CTF1: variants seen among roughly 807,000 people sequenced by gnomAD.
CTF1 encodes the protein cardiotrophin-1.
A neutral mutation model predicts 10.9 loss-of-function variants in CTF1; 9 were observed. That is an observed-to-expected ratio of 0.83 (90% CI 0.50 to 1.44). CTF1 has a LOEUF of 1.44. CTF1 is among the 40% of genes most tolerant of loss of function. CTF1 has a pLI of 0.00. For synonymous variants in CTF1, 133 were observed against 138.8 expected (o/e 0.96, Z 0.29); for missense variants, 259 against 275.3 (o/e 0.94, Z 0.42).
At chr16:30,898,247 C>T (rs977369026) in intron 1 of CTF1, among the ~76,000 whole-genome samples, 4 of 151,706 alleles carry the variant, frequency 2.6e-5, no homozygotes, top group African/African-American at 7.3e-5. Context: ...ATGCAACCTC[C>T]TCCTCCCAGG....
Position 30,902,570 on chromosome 16 carries a change from C to A in CTF1, c.*31C>A. 6.7e-7 allele frequency: 1 copy of A among 1,489,336 alleles called. No homozygotes were observed. The highest frequency in any genetic ancestry group is 8.9e-7 in the Non-Finnish European group (1 of 1,122,768). 92.3% of individuals were successfully genotyped at this position (1,489,336 alleles called of 1,614,324 possible). ...GCGGGGCAGCTCGCCCCGCCTCCTC[C>A]CGCTGGGTTCCGTCTCTCCTTCCGC... is the stretch of plus-strand genomic sequence containing the variant. On this transcript the variant is annotated 3_prime_UTR_variant, in exon 3 of 3. Coordinates refer to ENST00000279804, the MANE Select transcript of CTF1 (RefSeq NM_001330.5).
intron 2 of CTF1, among the ~76,000 whole-genome samples, chr16:30,900,590 C>T (rs764516194): frequency 5.9e-5 from 9 of 151,710 alleles, no homozygotes; most frequent in Non-Finnish European, 8.8e-5. Context: ...ACAGTGAGCC[C>T]TCATCTCTTA....
rs552333693 is a variant in CTF1, at chr16:30,902,864, A to G, written c.*325A>G. 2.7e-4 allele frequency: 51 copies of G among 192,248 alleles called. No individual in the cohort carries two copies. Among genetic ancestry groups the G allele is most frequent in the Admixed American group, 1.4e-3 (22 of 16,166 alleles). 11.9% of individuals were successfully genotyped at this position (192,248 alleles called of 1,614,324 possible). ...ATTTTTTATTTAATTTTTTGTAGAGACGAGGTTTCGCCATGTTGCCCAGGC... is the reference window on the plus strand; with the variant it reads ...ATTTTTTATTTAATTTTTTGTAGAGGCGAGGTTTCGCCATGTTGCCCAGGC... On this transcript the variant is annotated 3_prime_UTR_variant, in exon 3 of 3. Transcript: ENST00000279804.
Position 30,902,679 on chromosome 16 carries a change from G to T in CTF1, c.*140G>T, listed in dbSNP as rs899967208. 82 of 1,255,566 alleles carry T rather than the reference G, an allele frequency of 6.5e-5. No individual in the cohort carries two copies. Among genetic ancestry groups the T allele is most frequent in the Non-Finnish European group, 8.0e-5 (78 of 980,054 alleles). The allele number at this position is 1,255,566 out of a possible 1,614,324, so 77.8% of individuals were successfully genotyped here. ...TGCCTCGGCCTTCTTTGCTTTTTGT[G>T]GGGGAGAGGGGAGGGGACGGGCAGG... On this transcript the variant is annotated 3_prime_UTR_variant, in exon 3 of 3. Transcript: ENST00000279804.
In CTF1 at chr16:30,901,993, C is replaced by G. The variant is rs552272991; in HGVS notation, c.145-85C>G. The G allele has an allele frequency of 1.4e-4, 171 of 1,216,528 alleles. No individual in the cohort carries two copies. In the East Asian group the frequency reaches 5.5e-3, roughly 39 times the overall value. The allele number at this position is 1,216,528 out of a possible 1,614,324, so 75.4% of individuals were successfully genotyped here. A position where few individuals can be genotyped will look rare whatever the true frequency, so the allele number is the denominator to read the frequency against. On this transcript the variant is annotated intron_variant, in intron 2 of 2. Coordinates refer to ENST00000279804, the MANE Select transcript of CTF1 (RefSeq NM_001330.5). ...TCTGCAAGATGAGGAAACTGACACCCCCAGAGAGCGGGTTGGAGAGCCCAG... is the reference window on the plus strand; with the variant it reads ...TCTGCAAGATGAGGAAACTGACACCGCCAGAGAGCGGGTTGGAGAGCCCAG...
chr16:30,902,785 G>C lies in CTF1; in HGVS notation c.*246G>C. On this transcript the variant is annotated 3_prime_UTR_variant, in exon 3 of 3. Coordinates refer to ENST00000279804, the MANE Select transcript of CTF1 (RefSeq NM_001330.5). ...CCTCCTGGGCTCAAGCCATCCTTCC[G>C]CCTCAGCTTCCCCAGCAGCTGGGAC... 1 of 394,462 alleles carries C rather than the reference G, an allele frequency of 2.5e-6. No individual in the cohort carries two copies. Among genetic ancestry groups the C allele is most frequent in the Non-Finnish European group, 4.2e-6 (1 of 236,154 alleles). 24.4% of individuals were successfully genotyped at this position (394,462 alleles called of 1,614,324 possible).
Position 30,902,098 on chromosome 16 carries a change from C to T in CTF1, c.165C>T (p.Pro55=), listed in dbSNP as rs1480340440. 6 of 1,428,744 alleles carry T rather than the reference C, an allele frequency of 4.2e-6. No individual in the cohort carries two copies. Among genetic ancestry groups the T allele is most frequent in the Non-Finnish European group, 4.6e-6 (5 of 1,088,900 alleles). The allele number at this position is 1,428,744 out of a possible 1,614,324, so 88.5% of individuals were successfully genotyped here. ...LQEYVQLQGD[P]FGLPSFSPPR... The stretch of plus-strand genomic sequence containing the variant: ...CGCAGGTGCAGCTCCAGGGAGACCC[C>T]TTCGGGCTGCCCAGCTTCTCGCCGC... The change falls in exon 3 of 3, where the codon CCC becomes CCT. Residue 55 remains proline, a synonymous_variant. Coordinates refer to ENST00000279804, the MANE Select transcript of CTF1 (RefSeq NM_001330.5).
rs751910960 is a variant in CTF1, at chr16:30,896,701, T to C, written c.25+33T>C. 7.2e-6 allele frequency: 9 copies of C among 1,251,356 alleles called. No individual in the cohort carries two copies. In the African/African-American group the frequency reaches 1.2e-4, roughly 17 times the overall value. 77.5% of individuals were successfully genotyped at this position (1,251,356 alleles called of 1,614,324 possible). A position where few individuals can be genotyped will look rare whatever the true frequency, so the allele number is the denominator to read the frequency against. On this transcript the variant is annotated intron_variant, in intron 1 of 2. Coordinates refer to ENST00000279804, the MANE Select transcript of CTF1 (RefSeq NM_001330.5). Reference sequence around the variant, plus strand: ...GCTGAGGGACCGGACGCCGGGTCGCTGAGGGGCGCAGGAGTCAGAGGGATT... The same window carrying C: ...GCTGAGGGACCGGACGCCGGGTCGCCGAGGGGCGCAGGAGTCAGAGGGATT...
rs2055413929 is a variant in CTF1, at chr16:30,902,514, A to AGCT, written c.587_589dup (p.Leu196dup). 8 of 1,494,726 alleles carry AGCT rather than the reference A, an allele frequency of 5.4e-6. No individual in the cohort carries two copies. Among genetic ancestry groups the AGCT allele is most frequent in the Non-Finnish European group, 7.1e-6 (8 of 1,126,606 alleles). The allele number at this position is 1,494,726 out of a possible 1,614,324, so 92.6% of individuals were successfully genotyped here. On this transcript the variant is annotated inframe_insertion, in exon 3 of 3. Transcript: ENST00000279804. The stretch of plus-strand genomic sequence containing the variant: ...AGCCGCACCGAGGGCGACCTGGGCC[A>AGCT]GCTGCTGCCCGGGGGCTCGGCCTGA...
At chr16:30,896,697 T>C (rs1466615846) in intron 1 of CTF1, 29 bp downstream of exon 1, 3 of 1,251,202 alleles carry the variant, frequency 2.4e-6, no homozygotes, top group Non-Finnish European at 3.0e-6. Context: ...GGACGCCGGG[T>C]CGCTGAGGGG....
chr16:30,896,485 C>A, upstream of CTF1: 1 of 651,448 alleles, frequency 1.5e-6, no homozygotes, highest in Non-Finnish European at 2.2e-6. Context: ...AGGAGCTGAG[C>A]TCAGGGCCAA....
chr16:30,902,519 C>T lies in CTF1; in HGVS notation c.586C>T (p.Leu196=). ...CACCGAGGGCGACCTGGGCCAGCTG[C>T]TGCCCGGGGGCTCGGCCTGAGCGCC... ...SRTEGDLGQL[L]PGGSA is the part of the protein sequence containing the mutation. Residue 196 remains leucine, a synonymous_variant, in exon 3 of 3, where the codon CTG becomes TTG. Coordinates refer to ENST00000279804, the MANE Select transcript of CTF1 (RefSeq NM_001330.5). 6.7e-7 allele frequency: 1 copy of T among 1,496,222 alleles called. No individual in the cohort carries two copies. Among genetic ancestry groups the T allele is most frequent in the African/African-American group, 1.4e-5 (1 of 69,312 alleles). The allele number at this position is 1,496,222 out of a possible 1,614,324, so 92.7% of individuals were successfully genotyped here.
In CTF1 at chr16:30,902,118, C is replaced by T; in HGVS notation, c.185C>T (p.Ser62Leu). Residue 62 changes from serine (S) to leucine (L), a missense_variant, in exon 3 of 3, where the codon TCG becomes TTG. Coordinates refer to ENST00000279804, the MANE Select transcript of CTF1 (RefSeq NM_001330.5). ...GACCCCTTCGGGCTGCCCAGCTTCT[C>T]GCCGCCGCGGCTGCCGGTGGCCGGC... ...QGDPFGLPSFSPPRLPVAGLS... is the reference protein window; with the variant it reads ...QGDPFGLPSFLPPRLPVAGLS... The T allele has an allele frequency of 1.4e-6, 2 of 1,414,968 alleles. No homozygotes were observed. The highest frequency in any genetic ancestry group is 1.4e-5 in the South Asian group (1 of 70,378). 87.7% of individuals were successfully genotyped at this position (1,414,968 alleles called of 1,614,324 possible).
intron 2 of CTF1, among the ~76,000 whole-genome samples, chr16:30,900,894 A>AT (rs764298787): frequency 0.017 from 2,374 of 139,258 alleles, 49 homozygotes; most frequent in South Asian, 0.1. Flanking sequence ...CCAGCCCAAC[A>AT]TTTTTTTTTT....
At chr16:30,901,814 G>A (rs995747963) in intron 2 of CTF1, among the ~76,000 whole-genome samples, 23 of 150,170 alleles carry the variant, frequency 1.5e-4, no homozygotes, top group Non-Finnish European at 2.2e-4. Context: ...GAACCCCTGG[G>A]CTCAAGTGAT....
chr16:30,900,198 G>C (rs1031290770), intron 2 of CTF1, among the ~76,000 whole-genome samples: 3 of 152,214 alleles, frequency 2.0e-5, no homozygotes, highest in Non-Finnish European at 4.4e-5. Flanking sequence ...GGGAAGCCAA[G>C]AAGAGGTTCC....
chr16:30,899,075 G>A (rs1296600174), intron 1 of CTF1, among the ~76,000 whole-genome samples: 1 of 152,228 alleles, frequency 6.6e-6, no homozygotes, highest in African/African-American at 2.4e-5. Context: ...GCCTGGGCGT[G>A]TAGCAGGCTG....
rs1395039795 is a variant in CTF1 at position 30,899,407 on chromosome 16, C to G, written c.26-8C>G. The G allele has an allele frequency of 1.3e-6, 2 of 1,582,568 alleles. No homozygotes were observed. Among genetic ancestry groups the G allele is most frequent in the East Asian group, 2.2e-5 (1 of 44,694 alleles). On this transcript the variant is annotated splice_polypyrimidine_tract_variant and splice_region_variant and intron_variant, in intron 1 of 2. Coordinates refer to ENST00000279804, the MANE Select transcript of CTF1 (RefSeq NM_001330.5). The stretch of plus-strand genomic sequence containing the variant: ...GGCCATCCTCATTCCTCCCCCCTTT[C>G]CCACCAGAAGACCCCCAGACTGATT...
Position 30,898,976 on chromosome 16 carries a change from A to G in CTF1, c.26-439A>G, listed in dbSNP as rs570736503. Among the ~76,000 whole-genome samples, 5 of 152,322 alleles carry G rather than the reference A, an allele frequency of 3.3e-5. No individual in the cohort carries two copies. The East Asian group carries it at 5.8e-4, about 18-fold the overall frequency. ...ACCTGGCCCTTTTCTATGTTTAGAT[A>G]CACAAATACCACTGTGTTCCAGTTG... On this transcript the variant is annotated intron_variant, in intron 1 of 2. Coordinates refer to ENST00000279804, the MANE Select transcript of CTF1 (RefSeq NM_001330.5).
Sources: gnomAD v4.1 joint callset for allele counts (sites outside exome capture counted in the v4.1 genomes callset) on GRCh38, gnomAD v4.1.1 for gene constraint, MANE v1.5 for transcripts, NCBI Gene and HGNC (gene_info 2026-07-23, HGNC 2026-07-21) for gene names.